TANC2: variants seen among roughly 807,000 people sequenced by gnomAD.
TANC2 encodes the protein tetratricopeptide repeat, ankyrin repeat and coiled-coil containing 2.
In TANC2, 26 loss-of-function variants were observed where a neutral mutation model predicts 210.5. The observed-to-expected ratio is 0.12, with a 90% CI of 0.09 to 0.17. The LOEUF (loss-of-function observed/expected upper bound fraction) is 0.17, where lower values mean the gene tolerates loss of function less well. TANC2 is among the 10% of genes least tolerant of loss of function. TANC2 has a pLI of 1.00. For synonymous variants in TANC2, 931 were observed against 967.1 expected (o/e 0.96, Z 0.69); for missense variants, 2,129 against 2,608.9 (o/e 0.82, Z 4.01).
chr17:63,138,976 G>T (rs1432487765), intron 4 of TANC2, among the ~76,000 whole-genome samples: 1 of 152,160 alleles, frequency 6.6e-6, no homozygotes, highest in Non-Finnish European at 1.5e-5. Flanking sequence ...CTCTGACTAT[G>T]CCATCCGTGG....
At chr17:63,296,158 A>G (rs1056619955) in intron 9 of TANC2, among the ~76,000 whole-genome samples, 1 of 152,198 alleles carries the variant, frequency 6.6e-6, no homozygotes, top group African/African-American at 2.4e-5. Context: ...CCCTGAAGCA[A>G]CCATTAAGCT....
At chr17:63,312,861 T>G (rs1425827449) in intron 9 of TANC2, among the ~76,000 whole-genome samples, 2 of 152,208 alleles carry the variant, frequency 1.3e-5, no homozygotes, top group Admixed American at 1.3e-4. Flanking sequence ...ATGAAAACTT[T>G]GGGCATTTTG....
At chr17:63,252,257 A>G (rs1461481855) in intron 8 of TANC2, among the ~76,000 whole-genome samples, 1 of 151,998 alleles carries the variant, frequency 6.6e-6, no homozygotes, top group Non-Finnish European at 1.5e-5. Context: ...TAGTATATGT[A>G]TATATTTATA....
intron 5 of TANC2, among the ~76,000 whole-genome samples, chr17:63,176,540 T>G (rs1267216063): frequency 6.6e-6 from 1 of 152,178 alleles, no homozygotes; most frequent in Non-Finnish European, 1.5e-5. Context: ...TTGCGGTGGC[T>G]TACGCCTGTA....
At chr17:63,309,003 T>C (rs2045024634) in intron 9 of TANC2, among the ~76,000 whole-genome samples, 1 of 152,218 alleles carries the variant, frequency 6.6e-6, no homozygotes, top group African/African-American at 2.4e-5. Context: ...ATATATATTG[T>C]TTTTTATTCT....
chr17:63,369,059 C>T (rs1358621733), intron 14 of TANC2, among the ~76,000 whole-genome samples: 1 of 152,154 alleles, frequency 6.6e-6, no homozygotes, highest in African/African-American at 2.4e-5. Flanking sequence ...CAGAAGACAC[C>T]TTTGTCCAAC....
intron 5 of TANC2, among the ~76,000 whole-genome samples, chr17:63,192,554 G>A (rs951072682): frequency 1.3e-5 from 2 of 151,682 alleles, no homozygotes; most frequent in Non-Finnish European, 2.9e-5. Context: ...TCTTTCCAGT[G>A]AGGAAGACAC....
chr17:62,969,811 A>G (rs1255578084), intron 1 of TANC2, among the ~76,000 whole-genome samples: 1 of 152,160 alleles, frequency 6.6e-6, no homozygotes, highest in Non-Finnish European at 1.5e-5. Flanking sequence ...ATAAATTACA[A>G]TATTTTTCTT....
intron 5 of TANC2, among the ~76,000 whole-genome samples, chr17:63,162,939 T>C (rs1260050305): frequency 1.3e-5 from 2 of 152,008 alleles, no homozygotes; most frequent in East Asian, 3.9e-4. Flanking sequence ...CAGACACGTT[T>C]AACTGTACTG....
chr17:63,112,165 C>T (rs1239563550), intron 4 of TANC2, among the ~76,000 whole-genome samples: 5 of 152,078 alleles, frequency 3.3e-5, no homozygotes, highest in African/African-American at 1.2e-4. Context: ...TCCAGCATTC[C>T]TTTTAGTGCT....
chr17:62,994,430 T>C (rs1598208602), intron 1 of TANC2, among the ~76,000 whole-genome samples: 1 of 152,032 alleles, frequency 6.6e-6, no homozygotes, highest in Non-Finnish European at 1.5e-5. Flanking sequence ...TTTTTTCTTG[T>C]CCAACTTAGG....
Position 63,186,478 on chromosome 17 carries a change from G to C in TANC2, c.434-7513G>C, listed in dbSNP as rs529528861. 2.0e-3 allele frequency among the ~76,000 whole-genome samples: 303 copies of C among 150,906 alleles called. 1 individual carries two copies. Among genetic ancestry groups the C allele is most frequent in the Admixed American group, 5.3e-3 (80 of 15,100 alleles). On this transcript the variant is annotated intron_variant, in intron 5 of 27. Transcript: ENST00000689528. ...AGTGATTCTCCTGCCCCAGCCTCCC[G>C]AGTAGCTGGGATTACAGGCACCTGC... is the stretch of plus-strand genomic sequence containing the variant.
chr17:63,008,855 T>C (rs994799036), intron 1 of TANC2, among the ~76,000 whole-genome samples: 1 of 24,522 alleles, frequency 4.1e-5, no homozygotes, highest in Non-Finnish European at 8.2e-5. Flanking sequence ...TGGTGGGGGG[T>C]GGGGGGGCGG....
At chr17:63,144,409 C>T (rs1162211845) in intron 4 of TANC2, among the ~76,000 whole-genome samples, 3 of 152,014 alleles carry the variant, frequency 2.0e-5, no homozygotes, top group African/African-American at 7.2e-5. Flanking sequence ...GTTATATTTC[C>T]TTTATATTTG....
intron 3 of TANC2, among the ~76,000 whole-genome samples, chr17:63,083,796 T>G (rs749000983): frequency 4.6e-5 from 7 of 152,216 alleles, no homozygotes; most frequent in Non-Finnish European, 1.0e-4. Context: ...ATTTTGTTAA[T>G]TGATTTTCAA....
At chr17:63,153,270 T>A (rs1293411402) in intron 5 of TANC2, 4 of 152,190 alleles carry the variant, frequency 2.6e-5, no homozygotes, top group Non-Finnish European at 4.4e-5. Context: ...ATTTTTGAAT[T>A]TCTTTCACAT....
At chr17:63,398,395 G>A (rs2048235809) in intron 18 of TANC2, among the ~76,000 whole-genome samples, 1 of 151,506 alleles carries the variant, frequency 6.6e-6, no homozygotes, top group Admixed American at 6.6e-5. Context: ...GGTCAAGACT[G>A]CAGTGAGTCA....
intron 11 of TANC2, among the ~76,000 whole-genome samples, chr17:63,338,024 G>A (rs1487430371): frequency 6.6e-6 from 1 of 152,210 alleles, no homozygotes; most frequent in African/African-American, 2.4e-5. Flanking sequence ...TGCCATTGAT[G>A]GGCGTTAAGG....
chr17:62,976,551 T>C (rs866551755), intron 1 of TANC2, among the ~76,000 whole-genome samples: 1 of 152,034 alleles, frequency 6.6e-6, no homozygotes, highest in African/African-American at 2.4e-5. Flanking sequence ...CCTTTTTCTG[T>C]GGTATAATCA....
Sources: allele counts gnomAD v4.1 joint callset (sites outside exome capture counted in the v4.1 genomes callset), GRCh38; gene constraint gnomAD v4.1.1; transcripts MANE v1.5; gene names NCBI Gene and HGNC (gene_info 2026-07-23, HGNC 2026-07-21).